Variants in MAPK4 observed in about 807,000 individuals in gnomAD.
MAPK4 encodes mitogen-activated protein kinase 4.
MAPK4 carries 22 observed loss-of-function variants against 47.7 expected under a neutral mutation model. The ratio of observed to expected loss-of-function variants is 0.46; its 90% CI spans 0.33 to 0.66. MAPK4 has a LOEUF of 0.66. MAPK4 is among the 30% of genes least tolerant of loss of function. The pLI, the probability that MAPK4 is intolerant of heterozygous loss-of-function variation, is 0.02. For missense variants in MAPK4, 736 were observed against 831.7 expected (o/e 0.88, Z 1.42); for synonymous variants, 390 against 365.7 (o/e 1.07, Z -0.76).
intron 1 of MAPK4, among the ~76,000 whole-genome samples, chr18:50,615,474 GT>G (rs2042676829): frequency 6.6e-6 from 1 of 152,130 alleles, no homozygotes; most frequent in Non-Finnish European, 1.5e-5. Context: ...TGTGCCTGCA[GT>G]TTAGCCAGAA....
intron 1 of MAPK4, among the ~76,000 whole-genome samples, chr18:50,637,491 A>G (rs1202469149): frequency 2.0e-5 from 3 of 152,316 alleles, no homozygotes; most frequent in African/African-American, 7.2e-5. Context: ...AGTAAAGGAC[A>G]GGGGATGGGC....
chr18:50,636,698 T>C (rs1225947226), intron 1 of MAPK4, among the ~76,000 whole-genome samples: 1 of 152,254 alleles, frequency 6.6e-6, no homozygotes, highest in African/African-American at 2.4e-5. Context: ...TGTTTCCTAA[T>C]CTCCCCTGAA....
Position 50,722,048 on chromosome 18 carries a change from T to A in MAPK4, c.802T>A (p.Trp268Arg). The change falls in exon 4 of 6, where the codon TGG becomes AGG. Residue 268 changes from tryptophan to arginine, a missense_variant. Coordinates refer to ENST00000400384, the MANE Select transcript of MAPK4 (RefSeq NM_002747.4). ...RVMPSFVSST[W>R]EVKRPLRKLL... ...GATGCCTTCCTTTGTCAGCAGCACCTGGGAGGTGAAGAGGCCTCTGCGCAA... is the reference window on the plus strand; with the variant it reads ...GATGCCTTCCTTTGTCAGCAGCACCAGGGAGGTGAAGAGGCCTCTGCGCAA... The A allele has an allele frequency of 6.2e-7, 1 of 1,613,678 alleles. No individual in the cohort carries two copies.
At chr18:50,710,570 G>T (rs1048460759) in intron 2 of MAPK4, among the ~76,000 whole-genome samples, 2 of 152,018 alleles carry the variant, frequency 1.3e-5, no homozygotes, top group African/African-American at 4.8e-5. Context: ...GAGGTCAGGA[G>T]ATCGAGACCA....
intron 2 of MAPK4, among the ~76,000 whole-genome samples, chr18:50,679,351 C>T (rs960737659): frequency 1.3e-5 from 2 of 152,176 alleles, no homozygotes; most frequent in Admixed American, 6.5e-5. Context: ...TGCTCTGGGT[C>T]GGAAGCTAGG....
chr18:50,618,099 C>T (rs112355437), intron 1 of MAPK4, among the ~76,000 whole-genome samples: 391 of 152,166 alleles, frequency 2.6e-3, no homozygotes, highest in African/African-American at 7.4e-3. Flanking sequence ...CTTTTTTAAC[C>T]GTCTGGATCA....
intron 1 of MAPK4, among the ~76,000 whole-genome samples, chr18:50,584,807 T>A (rs1031618878): frequency 6.6e-6 from 1 of 152,244 alleles, no homozygotes; most frequent in Non-Finnish European, 1.5e-5. Context: ...TGGATGACAA[T>A]GACTAGCATG....
At chr18:50,646,666 C>T (rs919869240) in intron 1 of MAPK4, among the ~76,000 whole-genome samples, 1 of 152,216 alleles carries the variant, frequency 6.6e-6, no homozygotes, top group African/African-American at 2.4e-5. Context: ...TGATGACCCC[C>T]CTTGCTCAAG....
chr18:50,580,920 T>C (rs1238097950), intron 1 of MAPK4, among the ~76,000 whole-genome samples: 1 of 152,176 alleles, frequency 6.6e-6, no homozygotes, highest in African/African-American at 2.4e-5. Flanking sequence ...ATGCCTGAAT[T>C]TCCCTTGGAA....
intron 1 of MAPK4, among the ~76,000 whole-genome samples, chr18:50,570,610 A>G (rs906319663): frequency 4.6e-5 from 7 of 152,240 alleles, no homozygotes; most frequent in Non-Finnish European, 2.9e-5. Context: ...GCAGAGGCTG[A>G]ACCATCAGAT....
At chr18:50,635,991 C>T (rs1170645173) in intron 1 of MAPK4, among the ~76,000 whole-genome samples, 1 of 152,216 alleles carries the variant, frequency 6.6e-6, no homozygotes, top group Non-Finnish European at 1.5e-5. Context: ...ACTCAATTCA[C>T]TCCACTCCCT....
rs770735277 is a variant in MAPK4, at chr18:50,664,075, C to G, written c.117C>G (p.Asp39Glu). 1.2e-5 allele frequency: 19 copies of G among 1,613,970 alleles called. No individual in the cohort carries two copies. In the South Asian group the frequency reaches 2.0e-4, roughly 17 times the overall value. Residue 39 changes from aspartate (D) to glutamate (E), a missense_variant, in exon 2 of 6, where the codon GAC becomes GAG. By Grantham distance (45) the Asp-to-Glu change is conservative. This residue lies in a region of MAPK4 where 327 missense variants were observed against 395.4 expected (regional missense o/e 0.83). Transcript: ENST00000400384. This position sits in a 1 kb window ranked among gnomAD's most constrained non-coding sequence, Gnocchi z 6.0. ...ATGGTTTGGTGCTGTCGGCCGTGGA[C>G]AGCCGGGCCTGCCGGAAGGTCGCTG... ...GVNGLVLSAVDSRACRKVAVK... is the reference protein window; with the variant it reads ...GVNGLVLSAVESRACRKVAVK...
At chr18:50,601,473 A>G (rs2042540782) in intron 1 of MAPK4, among the ~76,000 whole-genome samples, 1 of 151,790 alleles carries the variant, frequency 6.6e-6, no homozygotes. Context: ...AACTTTCTCT[A>G]CCCAGAGTTA....
At chr18:50,653,175 C>G (rs1332329437) in intron 1 of MAPK4, among the ~76,000 whole-genome samples, 1 of 150,858 alleles carries the variant, frequency 6.6e-6, no homozygotes, top group African/African-American at 2.5e-5. Context: ...GGTGACAGAG[C>G]AAGACCTTAG....
At chr18:50,679,358 T>A (rs547253901) in intron 2 of MAPK4, among the ~76,000 whole-genome samples, 1 of 152,194 alleles carries the variant, frequency 6.6e-6, no homozygotes, top group Non-Finnish European at 1.5e-5. Flanking sequence ...GGTCGGAAGC[T>A]AGGGAAGGAG....
rs147350909 is a variant in MAPK4, at chr18:50,562,500, A to C, written c.-871+2257A>C. Among the ~76,000 whole-genome samples, 1,335 of 151,950 alleles carry C rather than the reference A, an allele frequency of 8.8e-3. 20 individuals carry two copies. The highest frequency in any genetic ancestry group is 0.073 in the Middle Eastern group (21 of 288). Reference sequence around the variant, plus strand: ...GAGAGGGAAGCATGAAGACAGGGCCAGCTGAACCTTCCAGCCCCTCACTCC... The same window carrying C: ...GAGAGGGAAGCATGAAGACAGGGCCCGCTGAACCTTCCAGCCCCTCACTCC... On this transcript the variant is annotated intron_variant, in intron 1 of 5. Coordinates refer to ENST00000400384, the MANE Select transcript of MAPK4 (RefSeq NM_002747.4).
chr18:50,693,455 C>G (rs1019994228), intron 2 of MAPK4, among the ~76,000 whole-genome samples: 2 of 152,098 alleles, frequency 1.3e-5, no homozygotes, highest in African/African-American at 4.8e-5. Flanking sequence ...GACAAAGAGA[C>G]AGAAAAAAAT....
Position 50,603,263 on chromosome 18 carries a change from G to A in MAPK4, c.-871+43020G>A, listed in dbSNP as rs543257689. Among the ~76,000 whole-genome samples the A allele has an allele frequency of 3.9e-5, 6 of 152,276 alleles. No homozygotes were observed. In the South Asian group the frequency reaches 8.3e-4, roughly 21 times the overall value. On this transcript the variant is annotated intron_variant, in intron 1 of 5. Transcript: ENST00000400384. ...GAGTCATCAGCCACCCCAGAGCTCA[G>A]CCAGCTCTACCAGCTTCCATCTCCC...
intron 1 of MAPK4, among the ~76,000 whole-genome samples, chr18:50,623,642 A>G (rs1168797240): frequency 6.6e-6 from 1 of 152,138 alleles, no homozygotes; most frequent in South Asian, 2.1e-4. Context: ...TGTTCCAATT[A>G]TTGTGGGGAA....
Sources: allele counts gnomAD v4.1 joint callset (sites outside exome capture counted in the v4.1 genomes callset), GRCh38; gene constraint gnomAD v4.1.1; regional missense constraint gnomAD v4.1.1; non-coding constraint Gnocchi (gnomAD v3.1); transcripts MANE v1.5; gene names NCBI Gene and HGNC (gene_info 2026-07-23, HGNC 2026-07-21).